Variants in C9 observed in about 807,000 individuals in gnomAD.
C9 encodes the protein complement component C9.
A neutral mutation model predicts 65.4 loss-of-function variants in C9; 63 were observed. The ratio of observed to expected loss-of-function variants is 0.96; its 90% CI spans 0.79 to 1.19. The LOEUF (loss-of-function observed/expected upper bound fraction) is 1.19, where lower values mean the gene tolerates loss of function less well. Among genes scored for constraint, C9 ranks in the 50% most tolerant of loss-of-function variants. The probability of loss-of-function intolerance (pLI) is 0.00; values close to 1 mark genes in which losing one functional copy is unlikely to be tolerated. For synonymous variants in C9, 229 were observed against 227.9 expected (o/e 1.00, Z -0.04); for missense variants, 744 against 670.1 (o/e 1.11, Z -1.22).
At chr5:39,310,581 A>C (rs1753463743) in intron 7 of C9, among the ~76,000 whole-genome samples, 1 of 152,098 alleles carries the variant, frequency 6.6e-6, no homozygotes, top group Non-Finnish European at 1.5e-5. Flanking sequence ...AACCTACTTA[A>C]CATGAGCCCA....
chr5:39,287,638 C>A (rs1429393864), intron 10 of C9, among the ~76,000 whole-genome samples: 1 of 151,934 alleles, frequency 6.6e-6, no homozygotes, highest in African/African-American at 2.4e-5. Context: ...GAATATTATT[C>A]AACCATGAAA....
intron 9 of C9, among the ~76,000 whole-genome samples, chr5:39,306,214 A>G (rs1215131298): frequency 6.6e-6 from 1 of 151,480 alleles, no homozygotes; most frequent in African/African-American, 2.4e-5. Context: ...CTCCTGTGTT[A>G]GACGTGATAG....
chr5:39,298,341 A>G (rs1447629610), intron 9 of C9, among the ~76,000 whole-genome samples: 1 of 151,710 alleles, frequency 6.6e-6, no homozygotes, highest in Non-Finnish European at 1.5e-5. Context: ...TGGGAAAAAA[A>G]TAGAGAAAAT....
Position 39,288,788 on chromosome 5 carries a change from A to C in C9, c.1580T>G (p.Leu527Trp). 1 of 1,612,656 alleles carries C rather than the reference A, an allele frequency of 6.2e-7. No individual in the cohort carries two copies. Among genetic ancestry groups the C allele is most frequent in the Non-Finnish European group, 8.5e-7 (1 of 1,179,032 alleles). ...CTCAAATTTGAATGGGCAGGCACACAAACACTTTCCATCCATTAGAATCAC... is the reference window on the plus strand; with the variant it reads ...CTCAAATTTGAATGGGCAGGCACACCAACACTTTCCATCCATTAGAATCAC... Reference protein sequence around the residue: ...GTVILMDGKCLCACPFKFEGI... With the variant: ...GTVILMDGKCWCACPFKFEGI... Residue 527 changes from leucine (L) to tryptophan (W), a missense_variant, in exon 10 of 11, where the codon TTG becomes TGG. Leu to Trp is a moderately conservative substitution (Grantham distance 61, BLOSUM62 -2). Transcript: ENST00000263408.
intron 1 of C9, among the ~76,000 whole-genome samples, chr5:39,343,912 C>T (rs868409924): frequency 4.6e-5 from 7 of 152,328 alleles, no homozygotes; most frequent in Admixed American, 1.3e-4. Flanking sequence ...CCAGCAAACA[C>T]GGTCTGGAGT....
chr5:39,300,942 T>C (rs1753266298), intron 9 of C9, among the ~76,000 whole-genome samples: 5 of 152,138 alleles, frequency 3.3e-5, no homozygotes, highest in African/African-American at 1.2e-4. Flanking sequence ...ATATTTTTCG[T>C]GTATTCCTTA....
chr5:39,300,970 T>C (rs1007242375), intron 9 of C9, among the ~76,000 whole-genome samples: 5 of 152,104 alleles, frequency 3.3e-5, no homozygotes, highest in African/African-American at 1.2e-4. Flanking sequence ...GAGACCAAGT[T>C]TAATATTGTA....
At chr5:39,335,919 T>C (rs563060753) in intron 4 of C9, among the ~76,000 whole-genome samples, 1 of 152,190 alleles carries the variant, frequency 6.6e-6, no homozygotes, top group African/African-American at 2.4e-5. Context: ...GTTATGAGGG[T>C]AATGGTCTTC....
chr5:39,336,981 T>C (rs1326253420), intron 4 of C9, among the ~76,000 whole-genome samples: 1 of 151,078 alleles, frequency 6.6e-6, no homozygotes. Context: ...AGTTGTGTCT[T>C]GTTTTTTTTT....
At chr5:39,325,703 C>T (rs1490051217) in intron 5 of C9, among the ~76,000 whole-genome samples, 1 of 144,166 alleles carries the variant, frequency 6.9e-6, no homozygotes, top group Non-Finnish European at 1.5e-5. Context: ...ACCCTGGAGG[C>T]AGTGATTGCA....
chr5:39,347,887 T>A (rs1172638514), intron 1 of C9, among the ~76,000 whole-genome samples: 1 of 151,536 alleles, frequency 6.6e-6, no homozygotes, highest in Non-Finnish European at 1.5e-5. Context: ...CTATCTGATC[T>A]TTGACAAACC....
At chr5:39,356,624 G>T (rs62358368) in intron 1 of C9, among the ~76,000 whole-genome samples, 1 of 152,214 alleles carries the variant, frequency 6.6e-6, no homozygotes, top group Non-Finnish European at 1.5e-5. Context: ...CAGCTACCTG[G>T]CTCACTGGAA....
chr5:39,308,589 G>A (rs549932864), intron 7 of C9, among the ~76,000 whole-genome samples: 1 of 152,194 alleles, frequency 6.6e-6, no homozygotes, highest in East Asian at 1.9e-4. Context: ...TCTACCACAT[G>A]GTTTAAAGGG....
intron 4 of C9, among the ~76,000 whole-genome samples, chr5:39,340,324 A>G (rs1371133533): frequency 6.6e-6 from 1 of 151,280 alleles, no homozygotes; most frequent in Non-Finnish European, 1.5e-5. Context: ...AAGAATGACC[A>G]TGTCTTTGTT....
Position 39,311,384 on chromosome 5 carries a change from T to C in C9, c.871-7A>G. 1.9e-6 allele frequency: 3 copies of C among 1,610,866 alleles called. No homozygotes were observed. The highest frequency in any genetic ancestry group is 2.5e-6 in the Non-Finnish European group (3 of 1,178,724). On this transcript the variant is annotated splice_region_variant and splice_polypyrimidine_tract_variant and intron_variant, in intron 6 of 10. Coordinates refer to ENST00000263408, the MANE Select transcript of C9 (RefSeq NM_001737.5). ...CATGCAGAAACATTTTTTCCTGTGT[T>C]GTAGAGCAGATGAAGAAGAGAAACA...
chr5:39,317,584 A>G (rs1413485191), intron 5 of C9, among the ~76,000 whole-genome samples: 1 of 152,156 alleles, frequency 6.6e-6, no homozygotes, highest in Admixed American at 6.5e-5. Context: ...TCCCAGCACT[A>G]TTTATTAAAT....
chr5:39,341,388 G>A, intron 3 of C9, 95 bp from the exon 4 acceptor site: 1 of 1,503,518 alleles, frequency 6.7e-7, no homozygotes, highest in Admixed American at 1.7e-5. Context: ...TGGAGGTGAG[G>A]TATCAGAAAA....
At chr5:39,361,859 T>C (rs1754527396) in intron 1 of C9, among the ~76,000 whole-genome samples, 1 of 152,152 alleles carries the variant, frequency 6.6e-6, no homozygotes, top group African/African-American at 2.4e-5. Flanking sequence ...CCAGTAATAA[T>C]AGGTCACTGT....
rs73749493 is a variant in C9, at chr5:39,299,678, T to C, written c.1416+6939A>G. On this transcript the variant is annotated intron_variant, in intron 9 of 10. Coordinates refer to ENST00000263408, the MANE Select transcript of C9 (RefSeq NM_001737.5). ...GTAGAAGTGGGGCAGGAAAGAGGAG[T>C]TGATTGAAAATGGACATGATAGAAC... 5.2e-3 allele frequency among the ~76,000 whole-genome samples: 792 copies of C among 151,964 alleles called. 8 individuals are homozygous for C. The highest frequency in any genetic ancestry group is 0.018 in the African/African-American group (740 of 41,458).
Sources: gnomAD v4.1 joint callset for allele counts (sites outside exome capture counted in the v4.1 genomes callset) on GRCh38, gnomAD v4.1.1 for gene constraint, MANE v1.5 for transcripts, NCBI Gene and HGNC (gene_info 2026-07-23, HGNC 2026-07-21) for gene names.